SLC2A14: variants seen among roughly 807,000 people sequenced by gnomAD.
The protein encoded by SLC2A14 is solute carrier family 2, facilitated glucose transporter member 14.
SLC2A14 carries 13 observed loss-of-function variants against 43.0 expected under a neutral mutation model. That is an observed-to-expected ratio of 0.30 (90% CI 0.20 to 0.48). SLC2A14 has a LOEUF of 0.48. Ranked by LOEUF, SLC2A14 falls within the 20% of genes least tolerant of loss-of-function variation. SLC2A14 has a pLI of 0.99. For synonymous variants in SLC2A14, 190 were observed against 233.8 expected (o/e 0.81, Z 1.71); for missense variants, 428 against 620.4 (o/e 0.69, Z 3.29).
At chr12:7,875,094 A>G (rs1367399600), upstream of SLC2A14, among the ~76,000 whole-genome samples, 1 of 41,356 alleles carries the variant, frequency 2.4e-5, no homozygotes, top group African/African-American at 8.6e-5. Context: ...TTCTATTTAA[A>G]TTTAAATATT....
chr12:7,835,172 T>C (rs1037239731), intron 2 of SLC2A14, among the ~76,000 whole-genome samples: 1 of 151,284 alleles, frequency 6.6e-6, no homozygotes, highest in Admixed American at 6.6e-5. Context: ...AGTGAGAATG[T>C]TATAAAATTT....
intron 7 of SLC2A14, among the ~76,000 whole-genome samples, chr12:7,825,711 A>G (rs2377062): frequency 0.59 from 87,064 of 146,722 alleles, 25,973 homozygotes; most frequent in African/African-American, 0.64. Context: ...GCAGTGAGCC[A>G]AGATTGCATC....
intron 1 of SLC2A14, among the ~76,000 whole-genome samples, chr12:7,883,835 G>A (rs985232692): frequency 1.5e-4 from 22 of 150,960 alleles, no homozygotes; most frequent in Admixed American, 1.3e-3. Flanking sequence ...TACCTGCCTT[G>A]GCCTCCCAAA....
chr12:7,854,339 T>G (rs889792861), intron 2 of SLC2A14, among the ~76,000 whole-genome samples: 2 of 152,134 alleles, frequency 1.3e-5, no homozygotes, highest in Non-Finnish European at 2.9e-5. Context: ...CAAAAACTGT[T>G]ACCTTTATCT....
chr12:7,839,774 T>C (rs1184658353), intron 2 of SLC2A14: 1 of 452,148 alleles, frequency 2.2e-6, no homozygotes, highest in Non-Finnish European at 4.4e-6. Flanking sequence ...GTAATACCCA[T>C]ACAGAAGGGG....
chr12:7,852,292 C>T (rs768429171), intron 2 of SLC2A14, among the ~76,000 whole-genome samples: 3 of 151,928 alleles, frequency 2.0e-5, no homozygotes, highest in Admixed American at 6.6e-5. Context: ...ATTTAATCAT[C>T]GGGCACTGTT....
intron 1 of SLC2A14, among the ~76,000 whole-genome samples, chr12:7,886,789 C>T (rs1267457480): frequency 6.6e-6 from 1 of 151,968 alleles, no homozygotes; most frequent in Admixed American, 6.6e-5. Flanking sequence ...AAGAGTTATT[C>T]TGTATATCAC....
chr12:7,884,095 T>G (rs1228482672), intron 1 of SLC2A14, among the ~76,000 whole-genome samples: 1 of 110,808 alleles, frequency 9.0e-6, no homozygotes, highest in Non-Finnish European at 2.0e-5. Context: ...GGCTAATTTT[T>G]TGTATTTTTA....
chr12:7,848,146 T>C (rs919240584), intron 2 of SLC2A14, among the ~76,000 whole-genome samples: 8 of 152,086 alleles, frequency 5.3e-5, no homozygotes, highest in Non-Finnish European at 2.9e-5. Flanking sequence ...CTCATCTGCC[T>C]CCCTGAGTCA....
intron 2 of SLC2A14, among the ~76,000 whole-genome samples, chr12:7,840,666 G>A (rs1184306833): frequency 2.0e-5 from 3 of 152,208 alleles, no homozygotes; most frequent in South Asian, 2.1e-4. Context: ...GATTACGGGC[G>A]TGAGGCACTG....
intron 7 of SLC2A14, among the ~76,000 whole-genome samples, chr12:7,826,210 T>C (rs1864345532): frequency 7.8e-6 from 1 of 128,550 alleles, no homozygotes; most frequent in African/African-American, 3.0e-5. Context: ...CTAACTACTG[T>C]GTATTTCCTC....
Position 7,828,760 on chromosome 12 carries a change from G to C in SLC2A14, c.620C>G (p.Pro207Arg), listed in dbSNP as rs771085125. The change falls in exon 6 of 11, where the codon CCT becomes CGT. Residue 207 changes from proline to arginine, a missense_variant. Transcript: ENST00000431042. ...AATGAGCAAAAATCTGGGACTTTCAGGGCAACATGGAAGGGCTGCACTTTG... is the reference window on the plus strand; with the variant it reads ...AATGAGCAAAAATCTGGGACTTTCACGGCAACATGGAAGGGCTGCACTTTG... ...ILQSAALPCC[P>R]ESPRFLLINR... is the part of the protein sequence containing the mutation. 3 of 1,614,080 alleles carry C rather than the reference G, an allele frequency of 1.9e-6. No individual in the cohort carries two copies. In the Admixed American group the frequency reaches 5.0e-5, roughly 27 times the overall value.
At chr12:7,871,999 A>T (rs1945260511) in intron 1 of SLC2A14, 1 of 639,854 alleles carries the variant, frequency 1.6e-6, no homozygotes, top group Admixed American at 6.3e-5. Flanking sequence ...AAAGTAAGGT[A>T]CTATTTATTT....
At chr12:7,827,099 T>TTCTC (rs71451920) in intron 7 of SLC2A14, among the ~76,000 whole-genome samples, 33,643 of 132,974 alleles carry the variant, frequency 0.25, 5,104 homozygotes, top group Middle Eastern at 0.33. Flanking sequence ...TTCTTTCTCT[T>TTCTC]TCTTTCTTTC....
Position 7,817,846 on chromosome 12 carries a change from G to A in SLC2A14, c.1260C>T (p.Leu420=). The stretch of plus-strand genomic sequence containing the variant: ...GTTTACTTACAGCAGCAGAGGGGAA[G>A]AGCAATCCGACTAGGAAGTTGGAGG... ...NWTSNFLVGL[L]FPSAAYYLGA... is the part of the protein sequence containing the mutation. Residue 420 remains leucine (L), a synonymous_variant, in exon 10 of 11, where the codon CTC becomes CTT. Coordinates refer to ENST00000431042, the MANE Select transcript of SLC2A14 (RefSeq NM_001286234.2). 1 of 1,613,994 alleles carries A rather than the reference G, an allele frequency of 6.2e-7. No individual in the cohort carries two copies. Among genetic ancestry groups the A allele is most frequent in the Non-Finnish European group, 8.5e-7 (1 of 1,179,932 alleles).
chr12:7,835,980 C>G (rs1291396234), intron 2 of SLC2A14, among the ~76,000 whole-genome samples: 1 of 152,168 alleles, frequency 6.6e-6, no homozygotes, highest in Non-Finnish European at 1.5e-5. Flanking sequence ...ATCCATCCAT[C>G]ACTCCCGTTG....
intron 2 of SLC2A14, among the ~76,000 whole-genome samples, chr12:7,862,036 C>G (rs1944591923): frequency 6.7e-6 from 1 of 150,096 alleles, no homozygotes; most frequent in Non-Finnish European, 1.5e-5. Context: ...GAGGCCAAGT[C>G]AGGTGGATCA....
chr12:7,880,690 CAAAAAAAAA>C (rs753621437), intron 1 of SLC2A14, among the ~76,000 whole-genome samples: 1 of 65,142 alleles, frequency 1.5e-5, no homozygotes, highest in African/African-American at 5.2e-5. Context: ...AGCTGGGTCT[CAAAAAAAAA>C]AAAAAAAAAA....
chr12:7,882,279 C>G (rs767015994), intron 1 of SLC2A14, among the ~76,000 whole-genome samples: 2 of 151,918 alleles, frequency 1.3e-5, no homozygotes, highest in Non-Finnish European at 2.9e-5. Flanking sequence ...TAACACTCAC[C>G]GTGAAGGTCT....
Sources: allele counts gnomAD v4.1 joint callset (sites outside exome capture counted in the v4.1 genomes callset), GRCh38; gene constraint gnomAD v4.1.1; transcripts MANE v1.5; gene names NCBI Gene and HGNC (gene_info 2026-07-23, HGNC 2026-07-21).